Variants in NKAIN3 observed in about 807,000 individuals in gnomAD.
NKAIN3 encodes the protein sodium/potassium transporting ATPase interacting 3, also known as sodium/potassium-transporting ATPase subunit beta-1-interacting protein 3.
Under a neutral mutation model 30.2 loss-of-function variants are expected in NKAIN3, and 25 were observed. That is an observed-to-expected ratio of 0.83 (90% CI 0.60 to 1.16). The LOEUF (loss-of-function observed/expected upper bound fraction) is 1.16. NKAIN3 is among the 50% of genes most tolerant of loss of function. The pLI, the probability that NKAIN3 is intolerant of heterozygous loss-of-function variation, is 0.00. For synonymous variants in NKAIN3, 91 were observed against 89.6 expected (o/e 1.02, Z -0.09); for missense variants, 225 against 254.1 (o/e 0.89, Z 0.78).
chr8:62,346,013 A>T (rs1274193322), intron 1 of NKAIN3, among the ~76,000 whole-genome samples: 1 of 152,114 alleles, frequency 6.6e-6, no homozygotes, highest in East Asian at 1.9e-4. Flanking sequence ...GTGGAGTATA[A>T]AGAAGTTGAT....
chr8:62,739,847 G>C (rs1371363446), intron 3 of NKAIN3, among the ~76,000 whole-genome samples: 1 of 152,122 alleles, frequency 6.6e-6, no homozygotes, highest in Non-Finnish European at 1.5e-5. Flanking sequence ...TCAATCTGTA[G>C]GCTGCTCTTT....
At chr8:62,367,747 A>G (rs527858443) in intron 1 of NKAIN3, among the ~76,000 whole-genome samples, 2 of 152,286 alleles carry the variant, frequency 1.3e-5, no homozygotes, top group South Asian at 2.1e-4. Flanking sequence ...CAGAGCAGTT[A>G]GGCAAGAGAG....
chr8:62,421,650 A>G (rs995677946), intron 1 of NKAIN3, among the ~76,000 whole-genome samples: 1 of 151,298 alleles, frequency 6.6e-6, no homozygotes, highest in Non-Finnish European at 1.5e-5. Context: ...GTATACATAT[A>G]TATATGTACC....
intron 3 of NKAIN3, among the ~76,000 whole-genome samples, chr8:62,655,188 T>C (rs750216682): frequency 4.9e-4 from 74 of 152,288 alleles, no homozygotes; most frequent in Middle Eastern, 6.8e-3. Flanking sequence ...GGACCTGAGC[T>C]GAAGGAGGTC....
At chr8:62,583,617 T>G (rs1404561439) in intron 2 of NKAIN3, among the ~76,000 whole-genome samples, 1 of 152,104 alleles carries the variant, frequency 6.6e-6, no homozygotes, top group Admixed American at 6.6e-5. Context: ...ACACAGGTGG[T>G]AGTGGGCAGC....
chr8:62,429,653 T>C (rs1246416833), intron 1 of NKAIN3, among the ~76,000 whole-genome samples: 1 of 151,838 alleles, frequency 6.6e-6, no homozygotes, highest in Non-Finnish European at 1.5e-5. Flanking sequence ...TGAGTAGAAT[T>C]AGTATTATTC....
intron 1 of NKAIN3, among the ~76,000 whole-genome samples, chr8:62,282,391 C>T (rs1407864385): frequency 2.6e-5 from 4 of 152,104 alleles, no homozygotes; most frequent in Admixed American, 2.0e-4. Flanking sequence ...GGGGCCTGGG[C>T]TTGTAGGGAT....
chr8:62,587,862 C>T (rs1377840194), intron 2 of NKAIN3, among the ~76,000 whole-genome samples: 1 of 151,976 alleles, frequency 6.6e-6, no homozygotes, highest in Non-Finnish European at 1.5e-5. Context: ...AAGATTACAA[C>T]TTGTGAGAGA....
intron 4 of NKAIN3, among the ~76,000 whole-genome samples, chr8:62,823,828 T>C (rs1437338926): frequency 1.3e-5 from 2 of 152,162 alleles, no homozygotes; most frequent in African/African-American, 2.4e-5. Context: ...GGTAGTGTCA[T>C]TCCAACCTTA....
intron 1 of NKAIN3, among the ~76,000 whole-genome samples, chr8:62,284,664 A>C (rs1813313872): frequency 6.6e-6 from 1 of 152,066 alleles, no homozygotes; most frequent in African/African-American, 2.4e-5. Context: ...ATAAATGTAG[A>C]CTGTGTGGTG....
chr8:62,373,063 A>C (rs572768131), intron 1 of NKAIN3, among the ~76,000 whole-genome samples: 2 of 152,254 alleles, frequency 1.3e-5, no homozygotes, highest in South Asian at 4.1e-4. Context: ...TAACTTGAGA[A>C]AATAGTCTTG....
intron 1 of NKAIN3, among the ~76,000 whole-genome samples, chr8:62,323,295 G>T (rs898138446): frequency 8.5e-5 from 13 of 152,090 alleles, no homozygotes; most frequent in African/African-American, 3.1e-4. Flanking sequence ...CCTTTACAGA[G>T]ATACTCTCTA....
chr8:62,663,245 GAGA>G (rs1812998167), intron 3 of NKAIN3, among the ~76,000 whole-genome samples: 1 of 152,208 alleles, frequency 6.6e-6, no homozygotes. Context: ...AGTGGTTCTT[GAGA>G]AGGAGAGTGG....
chr8:62,969,160 C>T lies in NKAIN3; in HGVS notation c.*3753C>T, dbSNP rs1823778544. ...ACACTTTGCCCTAGCAAAATATTGA[C>T]TTCTTTGATTTTTCCTTCAGAAAAA... On this transcript the variant is annotated 3_prime_UTR_variant, in exon 7 of 7. Coordinates refer to ENST00000623646, the MANE Select transcript of NKAIN3 (RefSeq NM_001304533.3). 6.6e-6 allele frequency among the ~76,000 whole-genome samples: 1 copy of T among 152,200 alleles called. No individual in the cohort carries two copies. Among genetic ancestry groups the T allele is most frequent in the Admixed American group, 6.5e-5 (1 of 15,278 alleles).
intron 1 of NKAIN3, among the ~76,000 whole-genome samples, chr8:62,524,602 C>T (rs1039893301): frequency 3.3e-5 from 5 of 152,154 alleles, no homozygotes; most frequent in Non-Finnish European, 1.5e-5. Flanking sequence ...CCTTGCACTA[C>T]TGACATCAAT....
intron 3 of NKAIN3, among the ~76,000 whole-genome samples, chr8:62,670,161 T>C (rs773561850): frequency 1.7e-4 from 26 of 152,176 alleles, no homozygotes; most frequent in Non-Finnish European, 3.2e-4. Context: ...AAAAACACTG[T>C]ACCCCATTTC....
chr8:62,748,769 T>G (rs1025416901), intron 4 of NKAIN3, among the ~76,000 whole-genome samples: 3 of 152,178 alleles, frequency 2.0e-5, no homozygotes, highest in African/African-American at 7.2e-5. Context: ...GGATTGCACC[T>G]TGATGGGAAG....
At chr8:62,727,889 A>C (rs2130534391) in intron 3 of NKAIN3, among the ~76,000 whole-genome samples, 1 of 152,296 alleles carries the variant, frequency 6.6e-6, no homozygotes, top group African/African-American at 2.4e-5. Context: ...GGTGTAATTT[A>C]TATACTATAA....
chr8:62,793,081 T>A (rs1219496528), intron 4 of NKAIN3, among the ~76,000 whole-genome samples: 1 of 151,906 alleles, frequency 6.6e-6, no homozygotes, highest in African/African-American at 2.4e-5. Context: ...ATCTGTGGAG[T>A]CTTAAGCCAC....
Sources: gnomAD v4.1 joint callset for allele counts (sites outside exome capture counted in the v4.1 genomes callset) on GRCh38, gnomAD v4.1.1 for gene constraint, MANE v1.5 for transcripts, NCBI Gene and HGNC (gene_info 2026-07-23, HGNC 2026-07-21) for gene names.